Variants in TTC17 observed in about 807,000 individuals in gnomAD.
The protein encoded by TTC17 is tetratricopeptide repeat protein 17.
Under a neutral mutation model 143.8 loss-of-function variants are expected in TTC17, and 58 were observed. That is an observed-to-expected ratio of 0.40 (90% CI 0.33 to 0.50). TTC17 has a LOEUF of 0.50. TTC17 is among the 20% of genes least tolerant of loss of function. The pLI is 0.49. For missense variants in TTC17, 1,273 were observed against 1,392.5 expected (o/e 0.91, Z 1.37); for synonymous variants, 501 against 497.8 (o/e 1.01, Z -0.09).
intron 21 of TTC17, among the ~76,000 whole-genome samples, chr11:43,465,690 A>C (rs1363606747): frequency 6.6e-6 from 1 of 152,210 alleles, no homozygotes; most frequent in Non-Finnish European, 1.5e-5. Flanking sequence ...AATGGGGAAA[A>C]GATGGTCTCT....
chr11:43,421,505 G>A (rs1194809275), intron 16 of TTC17, among the ~76,000 whole-genome samples: 6 of 152,182 alleles, frequency 3.9e-5, no homozygotes, highest in African/African-American at 7.2e-5. Flanking sequence ...CTTCACCTGC[G>A]TTTACAGTCA....
intron 22 of TTC17, chr11:43,491,076 G>C (rs1276895358): frequency 1.3e-5 from 2 of 152,154 alleles, no homozygotes; most frequent in African/African-American, 4.8e-5. Flanking sequence ...ATGATGGAAG[G>C]AACACAGGAT....
rs374750747 is a variant in TTC17, at chr11:43,490,376, G to A, written c.3150+18G>A. On this transcript the variant is annotated intron_variant, in intron 22 of 23. Coordinates refer to ENST00000039989, the MANE Select transcript of TTC17 (RefSeq NM_018259.6). ...AGATGAAGGTGAGTGGGACTCAGAA[G>A]GTGGGAACTTCTGCCCCTTTGTCCT... is the stretch of plus-strand genomic sequence containing the variant. The A allele has an allele frequency of 4.9e-5, 78 of 1,586,590 alleles. No homozygotes were observed. The highest frequency in any genetic ancestry group is 4.4e-4 in the South Asian group (38 of 87,244).
At chr11:43,362,817 G>C (rs906563208) in intron 1 of TTC17, among the ~76,000 whole-genome samples, 3 of 152,136 alleles carry the variant, frequency 2.0e-5, no homozygotes, top group Non-Finnish European at 4.4e-5. Context: ...CCAATTTTTA[G>C]GTTATGTTTA....
chr11:43,429,839 C>T (rs1474330690), intron 16 of TTC17, among the ~76,000 whole-genome samples: 1 of 152,138 alleles, frequency 6.6e-6, no homozygotes, highest in Admixed American at 6.5e-5. Context: ...TTGAATATAT[C>T]GGAATGCTTC....
At chr11:43,453,308 CCATA>C (rs1947700287) in intron 21 of TTC17, among the ~76,000 whole-genome samples, 1 of 151,432 alleles carries the variant, frequency 6.6e-6, no homozygotes, top group Non-Finnish European at 1.5e-5. Flanking sequence ...GCACTGTGTG[CCATA>C]GAAAACTGAT....
intron 5 of TTC17, among the ~76,000 whole-genome samples, chr11:43,394,450 A>G (rs1052541721): frequency 6.6e-6 from 1 of 152,218 alleles, no homozygotes; most frequent in Admixed American, 6.5e-5. Flanking sequence ...CAAGAGAGAG[A>G]TGAAGGTGGT....
intron 23 of TTC17, among the ~76,000 whole-genome samples, 174 bp downstream of exon 23, chr11:43,492,337 CAT>C (rs1335833219): frequency 6.6e-6 from 1 of 152,176 alleles, no homozygotes; most frequent in African/African-American, 2.4e-5. Flanking sequence ...TTTTTTAAAA[CAT>C]AATACATGAA....
chr11:43,444,077 G>A lies in TTC17; in HGVS notation c.2533G>A (p.Val845Ile). The A allele has an allele frequency of 6.2e-7, 1 of 1,610,076 alleles. No homozygotes were observed. The highest frequency in any genetic ancestry group is 8.5e-7 in the Non-Finnish European group (1 of 1,178,772). The change falls in exon 18 of 24, where the codon GTA becomes ATA. Residue 845 changes from valine to isoleucine, a missense_variant. Transcript: ENST00000039989. Reference protein sequence around the residue: ...TEWITFQVKRVKKPKGDHKKT... With the variant: ...TEWITFQVKRIKKPKGDHKKT... ...CCAGATTACATTCCAGGTCAAACGT[G>A]TAAAGAAACCCAAAGGAGATCATAA...
intron 16 of TTC17, among the ~76,000 whole-genome samples, chr11:43,441,409 A>T (rs1393530572): frequency 6.6e-6 from 1 of 151,226 alleles, no homozygotes; most frequent in Non-Finnish European, 1.5e-5. Flanking sequence ...TTTTCCCTCT[A>T]AAAAAAAATT....
Position 43,448,137 on chromosome 11 carries a change from C to T in TTC17, c.2786+15C>T, listed in dbSNP as rs757333580. The T allele has an allele frequency of 4.5e-5, 72 of 1,613,310 alleles. No individual in the cohort carries two copies. The highest frequency in any genetic ancestry group is 1.7e-4 in the Admixed American group (10 of 59,910). ...AAAAACATTGAGTAAGTATGTTAAG[C>T]CTCTCCCTCCTTTATGGCATTTGAG... On this transcript the variant is annotated intron_variant, in intron 19 of 23. Coordinates refer to ENST00000039989, the MANE Select transcript of TTC17 (RefSeq NM_018259.6).
intron 21 of TTC17, 117 bp downstream of exon 21, chr11:43,451,382 A>G: frequency 1.2e-6 from 1 of 852,664 alleles, no homozygotes; most frequent in East Asian, 2.6e-5. Context: ...CTTGGTGGCT[A>G]AAAGGATAAT....
At position 43,379,275 on chromosome 11, in the gene TTC17, A is replaced by G. The variant is rs1024326037; in HGVS notation, c.202A>G (p.Ile68Val). 1.9e-6 allele frequency: 3 copies of G among 1,612,652 alleles called. No homozygotes were observed. The highest frequency in any genetic ancestry group is 2.5e-6 in the Non-Finnish European group (3 of 1,179,582). ...CTTGAAGCATCCTCATGACCTAGTC[A>G]TATTAATGAGACAAGAAGCAACAGT... ...MNLKHPHDLV[I>V]LMRQEATVNY... Residue 68 changes from isoleucine (I) to valine (V), a missense_variant, in exon 2 of 24, where the codon ATA becomes GTA. By Grantham distance (29) the Ile-to-Val change is conservative. This residue lies in a region of TTC17 where 325 missense variants were observed against 444.2 expected (regional missense o/e 0.73). Coordinates refer to ENST00000039989, the MANE Select transcript of TTC17 (RefSeq NM_018259.6).
chr11:43,421,157 T>A (rs1021597737), intron 16 of TTC17, among the ~76,000 whole-genome samples: 2 of 151,234 alleles, frequency 1.3e-5, no homozygotes, highest in African/African-American at 4.9e-5. Context: ...GCTCAAGGGG[T>A]TGGGGTCATT....
chr11:43,455,423 A>C (rs1947744360), intron 21 of TTC17, among the ~76,000 whole-genome samples: 1 of 152,064 alleles, frequency 6.6e-6, no homozygotes, highest in African/African-American at 2.4e-5. Flanking sequence ...CCAAAAGTTG[A>C]GTTTGAGGTA....
chr11:43,378,390 T>C (rs1156543589), intron 1 of TTC17, among the ~76,000 whole-genome samples: 1 of 152,236 alleles, frequency 6.6e-6, no homozygotes, highest in Non-Finnish European at 1.5e-5. Flanking sequence ...GCTCTTATAC[T>C]CTGGTCACTG....
intron 21 of TTC17, among the ~76,000 whole-genome samples, chr11:43,487,538 C>T (rs1216030889): frequency 6.6e-6 from 1 of 152,228 alleles, no homozygotes; most frequent in Non-Finnish European, 1.5e-5. Context: ...CTTCAGATTT[C>T]TCTGCAGCAG....
chr11:43,476,403 T>C (rs1948184747), intron 21 of TTC17, among the ~76,000 whole-genome samples: 1 of 152,246 alleles, frequency 6.6e-6, no homozygotes, highest in Non-Finnish European at 1.5e-5. Flanking sequence ...TTTGCAGTGA[T>C]AATTGTGCCT....
chr11:43,361,276 A>G (rs925370075), intron 1 of TTC17, among the ~76,000 whole-genome samples: 4 of 152,216 alleles, frequency 2.6e-5, no homozygotes, highest in African/African-American at 4.8e-5. Flanking sequence ...AGATCACATT[A>G]GTGTATGAAA....
Sources: gnomAD v4.1 joint callset for allele counts (sites outside exome capture counted in the v4.1 genomes callset) on GRCh38, gnomAD v4.1.1 for gene constraint, gnomAD v4.1.1 regional missense constraint, MANE v1.5 for transcripts, NCBI Gene and HGNC (gene_info 2026-07-23, HGNC 2026-07-21) for gene names.